Variants in VIPR1 observed in about 807,000 individuals in gnomAD.
The protein encoded by VIPR1 is vasoactive intestinal peptide receptor 1.
A neutral mutation model predicts 58.8 loss-of-function variants in VIPR1; 59 were observed. The observed-to-expected ratio is 1.00, with a 90% CI of 0.81 to 1.25. VIPR1 has a LOEUF of 1.25. VIPR1 is among the 50% of genes most tolerant of loss of function. The probability of loss-of-function intolerance (pLI) is 0.00; values close to 1 mark genes in which losing one functional copy is unlikely to be tolerated. For synonymous variants in VIPR1, 251 were observed against 242.1 expected, an observed-to-expected ratio of 1.04 and a Z score of -0.34; for missense variants, 626 against 602.7, an observed-to-expected ratio of 1.04 and a Z score of -0.40.
At chr3:42,494,962 C>A (rs934334455) in intron 1 of VIPR1, among the ~76,000 whole-genome samples, 1 of 152,098 alleles carries the variant, frequency 6.6e-6, no homozygotes, top group Non-Finnish European at 1.5e-5. Flanking sequence ...ATAATAATTA[C>A]TTAAAAGGGT....
In VIPR1 at chr3:42,536,332, A is replaced by C; in HGVS notation, c.*51A>C. The C allele has an allele frequency of 2.7e-6, 4 of 1,455,920 alleles. No individual in the cohort carries two copies. Among genetic ancestry groups the C allele is most frequent in the Admixed American group, 2.5e-5 (1 of 39,460 alleles). The allele number at this position is 1,455,920 out of a possible 1,614,324, so 90.2% of individuals were successfully genotyped here. On this transcript the variant is annotated 3_prime_UTR_variant, in exon 13 of 13. Transcript: ENST00000325123. Reference sequence around the variant, plus strand: ...CGGCCCCTCCCGCCCCTTCCCACTCACCCCGGCAGACGCCGGGGACAGAGG... The same window carrying C: ...CGGCCCCTCCCGCCCCTTCCCACTCCCCCCGGCAGACGCCGGGGACAGAGG...
chr3:42,535,265 G>T, intron 11 of VIPR1, 78 bp from the exon 12 acceptor site: 2 of 1,600,056 alleles, frequency 1.2e-6, no homozygotes, highest in Non-Finnish European at 1.7e-6. Context: ...GGGAACACAG[G>T]GGCTGGAGCC....
intron 6 of VIPR1, 130 bp downstream of exon 6, chr3:42,528,253 G>T: frequency 8.3e-7 from 1 of 1,209,588 alleles, no homozygotes; most frequent in Non-Finnish European, 1.1e-6. Flanking sequence ...CTCAATCCAA[G>T]GATAGCCTAA....
At chr3:42,512,691 G>A in intron 1 of VIPR1, 4 of 963,140 alleles carry the variant, frequency 4.2e-6, no homozygotes, top group Non-Finnish European at 4.9e-6. Context: ...GTCTGATTCT[G>A]GAGTGGTCTT....
At chr3:42,497,996 G>C (rs545072998), upstream of VIPR1, among the ~76,000 whole-genome samples, 1 of 152,196 alleles carries the variant, frequency 6.6e-6, no homozygotes, top group African/African-American at 2.4e-5. Flanking sequence ...GGTTTTGAGG[G>C]AAGGAGTTCT....
chr3:42,492,198 C>T (rs890371519), intron 1 of VIPR1: 4 of 152,216 alleles, frequency 2.6e-5, no homozygotes, highest in African/African-American at 9.7e-5. Flanking sequence ...TCCTTCCTTC[C>T]TCATCCCTCC....
chr3:42,519,508 C>T (rs1456791740), intron 3 of VIPR1, 178 bp downstream of exon 3: 1 of 491,146 alleles, frequency 2.0e-6, no homozygotes, highest in African/African-American at 2.0e-5. Context: ...ATTTGATTAG[C>T]TCTTCACATA....
intron 7 of VIPR1, 95 bp from the exon 8 acceptor site, chr3:42,531,376 C>T: frequency 1.5e-6 from 2 of 1,327,388 alleles, no homozygotes; most frequent in Admixed American, 4.0e-5. Context: ...CTCTCTCCCT[C>T]CCTCTCCCTG....
intron 3 of VIPR1, among the ~76,000 whole-genome samples, chr3:42,522,421 T>G (rs1169308543): frequency 6.6e-6 from 1 of 152,098 alleles, no homozygotes; most frequent in Non-Finnish European, 1.5e-5. Context: ...CTTTCAAATA[T>G]TTGAAAAGAT....
rs564975898 is a variant in VIPR1 at position 42,515,838 on chromosome 3, G to C, written c.184+1984G>C. 3.3e-5 allele frequency among the ~76,000 whole-genome samples: 5 copies of C among 152,282 alleles called. No homozygotes were observed. The South Asian group carries it at 1.0e-3, about 32-fold the overall frequency. On this transcript the variant is annotated intron_variant, in intron 2 of 12. Transcript: ENST00000325123. Reference sequence around the variant, plus strand: ...GCTTGGGCACATGCCATCTCGACATGCCTAGATGTGTCTGCCCAGTGTGCT... The same window carrying C: ...GCTTGGGCACATGCCATCTCGACATCCCTAGATGTGTCTGCCCAGTGTGCT...
chr3:42,536,754 TCCTTTGGG>T lies in VIPR1; in HGVS notation c.*474_*481del. The T allele has an allele frequency of 6.4e-6, 1 of 156,398 alleles. No homozygotes were observed. The highest frequency in any genetic ancestry group is 1.4e-5 in the Non-Finnish European group (1 of 71,008). 9.7% of individuals were successfully genotyped at this position (156,398 alleles called of 1,614,324 possible). A position where few individuals can be genotyped will look rare whatever the true frequency, so the allele number is the denominator to read the frequency against. On this transcript the variant is annotated 3_prime_UTR_variant, in exon 13 of 13. Coordinates refer to ENST00000325123, the MANE Select transcript of VIPR1 (RefSeq NM_004624.4). Reference sequence around the variant, plus strand: ...TGAAATTTCACCATTGCTGTCAAGTTCCTTTGGGTTAAGCATTACCACTCAGGCATTTG... The same window carrying T: ...TGAAATTTCACCATTGCTGTCAAGTTTTAAGCATTACCACTCAGGCATTTG...
chr3:42,505,665 G>A (rs759068523), intron 1 of VIPR1, among the ~76,000 whole-genome samples: 3 of 152,240 alleles, frequency 2.0e-5, no homozygotes, highest in Non-Finnish European at 4.4e-5. Flanking sequence ...CTGTCCTGGT[G>A]CACTAAGACT....
At chr3:42,493,289 G>A (rs1577188691) in intron 1 of VIPR1, among the ~76,000 whole-genome samples, 2 of 152,208 alleles carry the variant, frequency 1.3e-5, no homozygotes, top group Admixed American at 1.3e-4. Flanking sequence ...ACTGTGGGCA[G>A]CCATCAGGGA....
At chr3:42,532,935 T>C (rs570831277) in intron 10 of VIPR1, 1 of 156,308 alleles carries the variant, frequency 6.4e-6, no homozygotes, top group South Asian at 1.9e-4. Context: ...CAGGTCACCA[T>C]GGGCAGGGAG....
chr3:42,514,205 G>T (rs778972145), intron 2 of VIPR1, among the ~76,000 whole-genome samples: 2 of 152,176 alleles, frequency 1.3e-5, no homozygotes, highest in Non-Finnish European at 2.9e-5. Flanking sequence ...ATGTGGTGGG[G>T]GATCTGTGAC....
At chr3:42,491,019 C>G (rs566594923) in intron 1 of VIPR1, among the ~76,000 whole-genome samples, 6 of 152,224 alleles carry the variant, frequency 3.9e-5, no homozygotes, top group Non-Finnish European at 8.8e-5. Flanking sequence ...AAAATGTGTT[C>G]CACAATAGTC....
chr3:42,495,679 CA>C (rs1699745660), intron 1 of VIPR1, among the ~76,000 whole-genome samples: 1 of 151,740 alleles, frequency 6.6e-6, no homozygotes, highest in African/African-American at 2.4e-5. Flanking sequence ...GCTGGCCTGT[CA>C]AAAAAAGCAA....
chr3:42,499,346 G>T (rs1364330641), upstream of VIPR1, among the ~76,000 whole-genome samples: 3 of 152,220 alleles, frequency 2.0e-5, no homozygotes, highest in Non-Finnish European at 4.4e-5. Flanking sequence ...GGCACACAGC[G>T]CATGGATGAG....
intron 1 of VIPR1, chr3:42,508,784 C>T (rs1011700010): frequency 2.0e-5 from 3 of 152,312 alleles, no homozygotes; most frequent in African/African-American, 7.2e-5. Flanking sequence ...CTCCCAACTA[C>T]AAGGGCTGCA....
Sources: gnomAD v4.1 joint callset for allele counts (sites outside exome capture counted in the v4.1 genomes callset) on GRCh38, gnomAD v4.1.1 for gene constraint, MANE v1.5 for transcripts, NCBI Gene and HGNC (gene_info 2026-07-23, HGNC 2026-07-21) for gene names.